ABCG2: variants seen among roughly 807,000 people sequenced by gnomAD.
The protein encoded by ABCG2 is broad substrate specificity ATP-binding cassette transporter ABCG2.
In ABCG2, 80 loss-of-function variants were observed where a neutral mutation model predicts 73.5. The observed-to-expected ratio is 1.09, with a 90% CI of 0.91 to 1.31. ABCG2 has a LOEUF of 1.31. Among genes scored for constraint, ABCG2 ranks in the 50% most tolerant of loss-of-function variants. The pLI, the probability that ABCG2 is intolerant of heterozygous loss-of-function variation, is 0.00. For missense variants in ABCG2, 796 were observed against 786.2 expected, an observed-to-expected ratio of 1.01 and a Z score of -0.15; for synonymous variants, 269 against 282.4, an observed-to-expected ratio of 0.95 and a Z score of 0.48.
Position 88,115,037 on chromosome 4 carries a change from T to C in ABCG2, c.863A>G (p.Asn288Ser). The change falls in exon 8 of 16, where the codon AAT becomes AGT. Residue 288 changes from asparagine (N) to serine (S), a missense_variant. Asn to Ser is a conservative substitution (Grantham distance 46). Transcript: ENST00000237612. ...GTCCAAGAAGAAGTCTGCAGGGTTA[T>C]TATAGGCCTCACAGTGATAACCTAT... ...ESAGYHCEAYNNPADFFLDII... is the reference protein window; with the variant it reads ...ESAGYHCEAYSNPADFFLDII... 2 of 1,612,476 alleles carry C rather than the reference T, an allele frequency of 1.2e-6. No homozygotes were observed. Among genetic ancestry groups the C allele is most frequent in the Non-Finnish European group, 1.7e-6 (2 of 1,178,928 alleles).
intron 3 of ABCG2, among the ~76,000 whole-genome samples, 194 bp downstream of exon 3, chr4:88,132,382 T>A (rs1000380589): frequency 2.6e-5 from 4 of 152,164 alleles, no homozygotes; most frequent in African/African-American, 7.2e-5. Context: ...ATCCTATTAG[T>A]AAAGCTAACC....
intron 1 of ABCG2, among the ~76,000 whole-genome samples, chr4:88,179,755 G>C (rs2110099053): frequency 6.6e-6 from 1 of 152,232 alleles, no homozygotes. Flanking sequence ...GAATCAAACA[G>C]AAATTATAGA....
intron 1 of ABCG2, among the ~76,000 whole-genome samples, chr4:88,174,275 A>T (rs1237247869): frequency 6.6e-6 from 1 of 151,838 alleles, no homozygotes; most frequent in Non-Finnish European, 1.5e-5. Flanking sequence ...TCTAGGTTTT[A>T]AGCCCCGCAT....
In ABCG2 at chr4:88,207,577, T is replaced by G. The variant is rs547562490; in HGVS notation, c.-20+23417A>C. 3.9e-5 allele frequency among the ~76,000 whole-genome samples: 6 copies of G among 152,310 alleles called. No homozygotes were observed. The South Asian group carries it at 8.3e-4, about 21-fold the overall frequency. ...TTCTTCTCTTCAGACAGAGTCTTGCTGTGTCACCCAGAGCTGGAGTGCAGT... is the reference window on the plus strand; with the variant it reads ...TTCTTCTCTTCAGACAGAGTCTTGCGGTGTCACCCAGAGCTGGAGTGCAGT... On this transcript the variant is annotated intron_variant, in intron 1 of 15. Coordinates refer to the ABCG2 transcript ENST00000515655.
intron 1 of ABCG2, among the ~76,000 whole-genome samples, chr4:88,209,481 T>A (rs796987449): frequency 9.9e-5 from 15 of 152,032 alleles, no homozygotes; most frequent in African/African-American, 3.6e-4. Context: ...CTGGCCAACA[T>A]GGTGAAATCC....
intron 1 of ABCG2, among the ~76,000 whole-genome samples, chr4:88,218,101 T>C (rs1729881925): frequency 6.6e-6 from 1 of 152,260 alleles, no homozygotes; most frequent in South Asian, 2.1e-4. Flanking sequence ...TCCCTCTACC[T>C]GAAATACTTT....
chr4:88,209,406 A>AT (rs1729506049), intron 1 of ABCG2, among the ~76,000 whole-genome samples: 1 of 151,970 alleles, frequency 6.6e-6, no homozygotes, highest in African/African-American at 2.4e-5. Flanking sequence ...GCTCACACTT[A>AT]TAATCCCAGC....
At chr4:88,160,838 G>A (rs1383733090), upstream of ABCG2, among the ~76,000 whole-genome samples, 2 of 114,126 alleles carry the variant, frequency 1.8e-5, no homozygotes, top group South Asian at 3.1e-4. Flanking sequence ...GACAACGTGA[G>A]ACTCCATCTC....
At position 88,097,589 on chromosome 4, in the gene ABCG2, T is replaced by C. The variant is rs751507819; in HGVS notation, c.1511A>G (p.Asp504Gly). The change falls in exon 13 of 16, where the codon GAT (aspartate) becomes GGT (glycine). Residue 504 changes from aspartate (D) to glycine (G), a missense_variant. Coordinates refer to ENST00000237612, the MANE Select transcript of ABCG2 (RefSeq NM_004827.3). ...YFMLGLKPKA[D>G]AFFVMMFTLM... Reference sequence around the variant, plus strand: ...GGTAAACATCATAACGAAGAAGGCATCTGCCTTTGGCTTCAATCCTTAGTC... The same window carrying C: ...GGTAAACATCATAACGAAGAAGGCACCTGCCTTTGGCTTCAATCCTTAGTC... 6.2e-7 allele frequency: 1 copy of C among 1,614,068 alleles called. No individual in the cohort carries two copies. The highest frequency in any genetic ancestry group is 8.5e-7 in the Non-Finnish European group (1 of 1,179,944).
rs766040461 is a variant in ABCG2, at chr4:88,094,616, C to A, written c.1781G>T (p.Gly594Val). Residue 594 changes from glycine to valine, a missense_variant, in exon 15 of 16, where the codon GGA (glycine) becomes GTA (valine). Gly to Val is a moderately radical substitution (Grantham distance 109). Transcript: ENST00000237612. ...NEFLGQNFCP[G>V]LNATGNNPCN... ...AGGATTGTTTCCTGTTGCATTGAGTCCTGGGCAGAAGTTTTGTCCCAAAAA... is the reference window on the plus strand; with the variant it reads ...AGGATTGTTTCCTGTTGCATTGAGTACTGGGCAGAAGTTTTGTCCCAAAAA... 6.2e-7 allele frequency: 1 copy of A among 1,614,074 alleles called. No individual in the cohort carries two copies. Among genetic ancestry groups the A allele is most frequent in the Admixed American group, 1.7e-5 (1 of 60,022 alleles).
intron 1 of ABCG2, among the ~76,000 whole-genome samples, chr4:88,174,230 T>G (rs1727867576): frequency 6.6e-6 from 1 of 151,872 alleles, no homozygotes; most frequent in Non-Finnish European, 1.5e-5. Context: ...GGTATACACA[T>G]GCCATGGTGG....
chr4:88,197,608 C>A (rs1232665086), intron 1 of ABCG2, among the ~76,000 whole-genome samples: 2 of 151,876 alleles, frequency 1.3e-5, no homozygotes, highest in East Asian at 1.9e-4. Context: ...CAAAGTAAGA[C>A]CCTGTCTCAA....
chr4:88,223,825 T>G (rs994781420), intron 1 of ABCG2: 10 of 152,510 alleles, frequency 6.6e-5, no homozygotes, highest in African/African-American at 2.2e-4. Flanking sequence ...GGAGATTTTT[T>G]TGTAGGAGGT....
At position 88,118,118 on chromosome 4, in the gene ABCG2, C is replaced by G; in HGVS notation, c.832G>C (p.Glu278Gln). 6.2e-7 allele frequency: 1 copy of G among 1,612,584 alleles called. No homozygotes were observed. The highest frequency in any genetic ancestry group is 8.5e-7 in the Non-Finnish European group (1 of 1,179,564). The change falls in exon 7 of 16, where the codon GAA (glutamate) becomes CAA (glutamine). Residue 278 changes from glutamate (E) to glutamine (Q), a missense_variant. Coordinates refer to ENST00000237612, the MANE Select transcript of ABCG2 (RefSeq NM_004827.3). Reference sequence around the variant, plus strand: ...AAAAAGTCAACCATACCAGCTGATTCAAAGTATCCCAAGGCCTCCTGAGCA... The same window carrying G: ...AAAAAGTCAACCATACCAGCTGATTGAAAGTATCCCAAGGCCTCCTGAGCA... The part of the protein sequence containing the change: ...GPAQEALGYF[E>Q]SAGYHCEAYN...
At chr4:88,096,640 C>G (rs1273700050) in intron 13 of ABCG2, among the ~76,000 whole-genome samples, 1 of 151,888 alleles carries the variant, frequency 6.6e-6, no homozygotes, top group East Asian at 1.9e-4. Flanking sequence ...AGGACATGTT[C>G]CTGTCAAGTA....
rs1371028689 is a variant in ABCG2, at chr4:88,101,457, A to T, written c.1278-138T>A. The T allele has an allele frequency of 4.0e-6, 3 of 744,432 alleles. No homozygotes were observed. The African/African-American group carries it at 5.2e-5, about 13-fold the overall frequency. The allele number at this position is 744,432 out of a possible 1,614,324, so 46.1% of individuals were successfully genotyped here. A position where few individuals can be genotyped will look rare whatever the true frequency, so the allele number is the denominator to read the frequency against. The stretch of plus-strand genomic sequence containing the variant: ...AAAGGGAAACTGTTCTGGTTGGAAC[A>T]GGGAAGCGTGAACCCCATCAAGCCT... On this transcript the variant is annotated intron_variant, in intron 10 of 15. Transcript: ENST00000237612.
At chr4:88,162,292 G>A (rs935907976), upstream of ABCG2, among the ~76,000 whole-genome samples, 10 of 151,978 alleles carry the variant, frequency 6.6e-5, no homozygotes, top group African/African-American at 2.4e-4. Flanking sequence ...TAAATTTTAT[G>A]TAACAAATTT....
At chr4:88,197,177 T>C (rs1420578752) in intron 1 of ABCG2, among the ~76,000 whole-genome samples, 1 of 134,504 alleles carries the variant, frequency 7.4e-6, no homozygotes, top group East Asian at 2.2e-4. Context: ...ACCCAGTACA[T>C]CATGTCTGGC....
At chr4:88,166,002 G>A (rs1056223226) in intron 1 of ABCG2, among the ~76,000 whole-genome samples, 3 of 152,162 alleles carry the variant, frequency 2.0e-5, no homozygotes, top group Admixed American at 2.0e-4. Flanking sequence ...ACCTTTGAGA[G>A]GCCATTTTTC....
Sources: gnomAD v4.1 joint callset for allele counts (sites outside exome capture counted in the v4.1 genomes callset) on GRCh38, gnomAD v4.1.1 for gene constraint, MANE v1.5 for transcripts, NCBI Gene and HGNC (gene_info 2026-07-23, HGNC 2026-07-21) for gene names.